The following SMCHD1 variants were observed in gnomAD, a reference collection of about 807,000 sequenced individuals.
SMCHD1 encodes structural maintenance of chromosomes flexible hinge domain containing 1, also known as structural maintenance of chromosomes flexible hinge domain-containing protein 1.
Under a neutral mutation model 254.7 loss-of-function variants are expected in SMCHD1, and 78 were observed. The ratio of observed to expected loss-of-function variants is 0.31; its 90% CI spans 0.26 to 0.37. The LOEUF is 0.37. SMCHD1 is among the 10% of genes least tolerant of loss of function. SMCHD1 has a pLI of 1.00. For missense variants in SMCHD1, 1,840 were observed against 2,408.1 expected (o/e 0.76, Z 4.94); for synonymous variants, 766 against 794.9 (o/e 0.96, Z 0.61).
At chr18:2,752,238 T>C (rs1206626535) in intron 33 of SMCHD1, among the ~76,000 whole-genome samples, 1 of 152,204 alleles carries the variant, frequency 6.6e-6, no homozygotes, top group Non-Finnish European at 1.5e-5. Flanking sequence ...TGGTATTATC[T>C]TTAAATAATA....
chr18:2,763,293 A>G (rs1190707536), intron 36 of SMCHD1, among the ~76,000 whole-genome samples: 1 of 152,230 alleles, frequency 6.6e-6, no homozygotes, highest in Admixed American at 6.5e-5. Context: ...TGGTGTTAAT[A>G]AAATATTTAA....
At chr18:2,740,636 G>A (rs939600189) in intron 27 of SMCHD1, 67 bp from the exon 28 acceptor site, 4 of 732,166 alleles carry the variant, frequency 5.5e-6, no homozygotes, top group Admixed American at 5.8e-5. Context: ...TGTTTTTATA[G>A]TGTATTGTAG....
At chr18:2,692,041 T>C (rs1353513191) in intron 7 of SMCHD1, among the ~76,000 whole-genome samples, 1 of 152,252 alleles carries the variant, frequency 6.6e-6, no homozygotes, top group African/African-American at 2.4e-5. Flanking sequence ...ATCCACATTT[T>C]GGCTGGTACA....
At chr18:2,769,516 G>C (rs1198957058) in intron 37 of SMCHD1, among the ~76,000 whole-genome samples, 178 bp from the exon 38 acceptor site, 3 of 152,162 alleles carry the variant, frequency 2.0e-5, no homozygotes, top group African/African-American at 7.2e-5. Flanking sequence ...AAAGTTGTAT[G>C]TCTTGGGTAG....
intron 29 of SMCHD1, 33 bp from the exon 30 acceptor site, chr18:2,747,489 T>C (rs750091332): frequency 1.3e-6 from 2 of 1,558,114 alleles, no homozygotes; most frequent in South Asian, 1.2e-5. Flanking sequence ...CCATATATTT[T>C]AGTGTTTCTT....
chr18:2,708,867 C>CACATATATAT (rs1363949643), intron 17 of SMCHD1, among the ~76,000 whole-genome samples: 2 of 8,294 alleles, frequency 2.4e-4, no homozygotes, highest in Admixed American at 7.0e-4. Context: ...TCAATAACTT[C>CACATATATAT]ATATATATAT....
intron 25 of SMCHD1, among the ~76,000 whole-genome samples, chr18:2,734,892 A>T (rs1293962666): frequency 6.6e-6 from 1 of 151,866 alleles, no homozygotes; most frequent in Non-Finnish European, 1.5e-5. Context: ...AGATGGTGAA[A>T]CCCCATCTCT....
intron 46 of SMCHD1, 53 bp from the exon 47 acceptor site, chr18:2,796,354 A>G: frequency 8.7e-7 from 1 of 1,154,778 alleles, no homozygotes; most frequent in Non-Finnish European, 1.2e-6. Flanking sequence ...GCATTTCTCT[A>G]ATTCCATTGT....
chr18:2,672,975 G>A, intron 3 of SMCHD1: 1 of 654,264 alleles, frequency 1.5e-6, no homozygotes, highest in Non-Finnish European at 1.9e-6. Flanking sequence ...TTATGGTTAT[G>A]GTCTTCTGTT....
chr18:2,684,602 T>C (rs1047478014), intron 5 of SMCHD1, among the ~76,000 whole-genome samples: 12 of 152,102 alleles, frequency 7.9e-5, no homozygotes, highest in African/African-American at 1.7e-4. Flanking sequence ...GGATTATTGA[T>C]ATGTTTAGAT....
intron 45 of SMCHD1, among the ~76,000 whole-genome samples, chr18:2,790,876 C>T (rs1345928037): frequency 6.6e-6 from 1 of 152,112 alleles, no homozygotes; most frequent in East Asian, 1.9e-4. Context: ...ATCAGAATAT[C>T]ACATGTGCCC....
chr18:2,800,944 TTAC>T (rs1328468367), intron 47 of SMCHD1: 2 of 152,148 alleles, frequency 1.3e-5, no homozygotes, highest in African/African-American at 4.8e-5. Flanking sequence ...AAAATTATAA[TTAC>T]TATGTAGCAG....
At chr18:2,669,079 C>CT (rs1274653830) in intron 3 of SMCHD1, among the ~76,000 whole-genome samples, 10 of 151,862 alleles carry the variant, frequency 6.6e-5, no homozygotes, top group African/African-American at 2.4e-4. Flanking sequence ...GATGCAGTAG[C>CT]TCATACCTGT....
At chr18:2,663,334 ACTC>A (rs1335432671) in intron 1 of SMCHD1, among the ~76,000 whole-genome samples, 1 of 149,602 alleles carries the variant, frequency 6.7e-6, no homozygotes, top group Non-Finnish European at 1.5e-5. Flanking sequence ...CTGGTCTTGA[ACTC>A]CTGAGTTCAA....
At chr18:2,792,345 G>A (rs2076181801) in intron 45 of SMCHD1, among the ~76,000 whole-genome samples, 1 of 152,186 alleles carries the variant, frequency 6.6e-6, no homozygotes, top group Non-Finnish European at 1.5e-5. Flanking sequence ...TAGTCTTGGA[G>A]CAATGGGCTA....
chr18:2,755,636 T>C (rs1428884465), intron 34 of SMCHD1, among the ~76,000 whole-genome samples: 4 of 149,354 alleles, frequency 2.7e-5, no homozygotes, highest in East Asian at 3.9e-4. Context: ...AGCATGATCT[T>C]GGCTCACTGC....
intron 17 of SMCHD1, among the ~76,000 whole-genome samples, chr18:2,712,307 A>T (rs1312147320): frequency 6.6e-6 from 1 of 151,584 alleles, no homozygotes; most frequent in Non-Finnish European, 1.5e-5. Flanking sequence ...TGAGTTAGGA[A>T]GTGTTCTCTC....
chr18:2,778,845 C>T (rs2076109062), intron 44 of SMCHD1: 1 of 152,276 alleles, frequency 6.6e-6, no homozygotes, highest in South Asian at 2.1e-4. Context: ...GCAGTGACCT[C>T]ATATTAACTT....
chr18:2,779,355 C>G (rs2076118082), intron 44 of SMCHD1, among the ~76,000 whole-genome samples: 1 of 152,018 alleles, frequency 6.6e-6, no homozygotes, highest in Admixed American at 6.6e-5. Flanking sequence ...GGGATGTCTG[C>G]TAGGGTTATT....
Sources: gnomAD v4.1 joint callset for allele counts (sites outside exome capture counted in the v4.1 genomes callset) on GRCh38, gnomAD v4.1.1 for gene constraint, MANE v1.5 for transcripts, NCBI Gene and HGNC (gene_info 2026-07-23, HGNC 2026-07-21) for gene names.